The following EIF2B3 variants were observed in gnomAD, a reference collection of about 807,000 sequenced individuals.
EIF2B3 encodes translation initiation factor eIF2B subunit gamma.
A neutral mutation model predicts 54.1 loss-of-function variants in EIF2B3; 20 were observed. That is an observed-to-expected ratio of 0.37 (90% CI 0.26 to 0.54). EIF2B3 has a LOEUF of 0.54. Ranked by LOEUF, EIF2B3 falls within the 20% of genes least tolerant of loss-of-function variation. The pLI is 0.86. For missense variants in EIF2B3, 448 were observed against 547.8 expected (o/e 0.82, Z 1.82); for synonymous variants, 153 against 188.1 (o/e 0.81, Z 1.52).
chr1:44,867,516 C>A (rs556715027), intron 10 of EIF2B3, among the ~76,000 whole-genome samples: 15 of 152,214 alleles, frequency 9.9e-5, no homozygotes, highest in Admixed American at 9.2e-4. Context: ...CAGAGACAAG[C>A]ACATAACGAA....
chr1:44,924,392 TTTTG>T lies in EIF2B3; in HGVS notation c.566+2232_566+2235del, dbSNP rs200461406. Among the ~76,000 whole-genome samples, 1,190 of 152,192 alleles carry T rather than the reference TTTTG, an allele frequency of 7.8e-3. 17 individuals are homozygous for T. The highest frequency in any genetic ancestry group is 0.027 in the African/African-American group (1,132 of 41,532). Reference sequence around the variant, plus strand: ...TAACTCTGTAATAATTTAATCCTTTTTTTGTTTGTTTGTTTTTGTTTGTTTTTTG... The same window carrying T: ...TAACTCTGTAATAATTTAATCCTTTTTTTGTTTGTTTTTGTTTGTTTTTTG... On this transcript the variant is annotated intron_variant, in intron 5 of 11. Coordinates refer to ENST00000360403, the MANE Select transcript of EIF2B3 (RefSeq NM_020365.5).
intron 8 of EIF2B3, among the ~76,000 whole-genome samples, chr1:44,876,443 G>A (rs1290102639): frequency 7.1e-6 from 1 of 140,390 alleles, no homozygotes; most frequent in Non-Finnish European, 1.5e-5. Flanking sequence ...CGCCCCGTCT[G>A]AGAAGTGAGG....
At chr1:44,921,102 C>T (rs1643730125) in intron 5 of EIF2B3, among the ~76,000 whole-genome samples, 1 of 152,194 alleles carries the variant, frequency 6.6e-6, no homozygotes, top group African/African-American at 2.4e-5. Context: ...GGTGAGATGA[C>T]ATCTCATTGT....
rs1654387134 is a variant in EIF2B3, at chr1:44,854,779, G to T, written c.1306+2925C>A. Among the ~76,000 whole-genome samples, 4 of 151,402 alleles carry T rather than the reference G, an allele frequency of 2.6e-5. No homozygotes were observed. The South Asian group carries it at 8.4e-4, about 32-fold the overall frequency. Reference sequence around the variant, plus strand: ...ATTTTTTGTATTTTTAGTAGAGATGGGGTTTCTCCATGTTGGTCAGGCTGG... The same window carrying T: ...ATTTTTTGTATTTTTAGTAGAGATGTGGTTTCTCCATGTTGGTCAGGCTGG... On this transcript the variant is annotated intron_variant, in intron 11 of 11. Transcript: ENST00000360403.
chr1:44,869,098 CA>C (rs1234519023), intron 10 of EIF2B3, among the ~76,000 whole-genome samples: 1 of 152,204 alleles, frequency 6.6e-6, no homozygotes, highest in Non-Finnish European at 1.5e-5. Context: ...ATGTTGGCAA[CA>C]TGCCATCCTT....
At chr1:44,952,872 GAAACCCATCC>G (rs1322498741) in intron 3 of EIF2B3, among the ~76,000 whole-genome samples, 1 of 152,002 alleles carries the variant, frequency 6.6e-6, no homozygotes, top group Non-Finnish European at 1.5e-5. Context: ...CAATTTAAGG[GAAACCCATCC>G]ACTCGTGCAC....
At chr1:44,914,032 T>C (rs918143289) in intron 5 of EIF2B3, among the ~76,000 whole-genome samples, 4 of 150,478 alleles carry the variant, frequency 2.7e-5, no homozygotes, top group Non-Finnish European at 5.9e-5. Flanking sequence ...AGTCTCAGGA[T>C]GTTGCCCAGG....
intron 2 of EIF2B3, among the ~76,000 whole-genome samples, chr1:44,979,807 T>C: frequency 6.6e-6 from 1 of 151,782 alleles, no homozygotes; most frequent in East Asian, 1.9e-4. Context: ...CTATTAAAAA[T>C]ACAAAAAAAT....
At chr1:44,929,419 A>T (rs975970980) in intron 4 of EIF2B3, among the ~76,000 whole-genome samples, 3 of 152,238 alleles carry the variant, frequency 2.0e-5, no homozygotes, top group African/African-American at 7.2e-5. Context: ...GTCTCTGGTC[A>T]TCTTATATGC....
At chr1:44,938,291 G>C (rs1321517826) in intron 4 of EIF2B3, among the ~76,000 whole-genome samples, 1 of 152,126 alleles carries the variant, frequency 6.6e-6, no homozygotes, top group Non-Finnish European at 1.5e-5. Flanking sequence ...AATTATTTAG[G>C]TGAATCTTAG....
intron 4 of EIF2B3, among the ~76,000 whole-genome samples, chr1:44,934,008 G>A (rs1643920362): frequency 6.6e-6 from 1 of 152,202 alleles, no homozygotes; most frequent in Non-Finnish European, 1.5e-5. Flanking sequence ...TGTAATCCCA[G>A]CTACTAGGGA....
At chr1:44,938,664 GT>G (rs1158239053) in intron 4 of EIF2B3, among the ~76,000 whole-genome samples, 5 of 151,766 alleles carry the variant, frequency 3.3e-5, no homozygotes, top group Non-Finnish European at 7.4e-5. Flanking sequence ...TTAAAAAATT[GT>G]TTGTAGAGAT....
chr1:44,931,871 C>T (rs1055480317), intron 4 of EIF2B3, among the ~76,000 whole-genome samples: 2 of 152,042 alleles, frequency 1.3e-5, no homozygotes, highest in African/African-American at 4.8e-5. Flanking sequence ...AATCCCAGCA[C>T]TTTGGGAGGC....
intron 3 of EIF2B3, among the ~76,000 whole-genome samples, chr1:44,952,058 G>T (rs1193273668): frequency 7.8e-6 from 1 of 128,836 alleles, no homozygotes; most frequent in Non-Finnish European, 1.7e-5. Context: ...CGCCTCCTGG[G>T]TTCACGCCAT....
intron 2 of EIF2B3, among the ~76,000 whole-genome samples, chr1:44,979,711 T>C (rs911979941): frequency 6.7e-6 from 1 of 149,472 alleles, no homozygotes; most frequent in South Asian, 2.1e-4. Context: ...CACCTGTAAT[T>C]CCAACACTTT....
chr1:44,875,152 A>G (rs1272444323), intron 9 of EIF2B3, among the ~76,000 whole-genome samples: 1 of 152,136 alleles, frequency 6.6e-6, no homozygotes, highest in East Asian at 1.9e-4. Context: ...AGATTGTGCC[A>G]CTGCACTCCA....
intron 3 of EIF2B3, among the ~76,000 whole-genome samples, chr1:44,956,151 T>C (rs953808233): frequency 6.6e-6 from 1 of 152,158 alleles, no homozygotes; most frequent in African/African-American, 2.4e-5. Context: ...AAAGAAAATG[T>C]GGCACTTATA....
At chr1:44,865,179 T>C (rs900128609) in intron 10 of EIF2B3, among the ~76,000 whole-genome samples, 25 of 149,362 alleles carry the variant, frequency 1.7e-4, no homozygotes, top group African/African-American at 5.9e-4. Flanking sequence ...AAATTGTCAC[T>C]GCACTCCAGC....
In EIF2B3 at chr1:44,862,909, A is replaced by G. The variant is rs188270630; in HGVS notation, c.1203-5102T>C. ...ACTGCACCCAGCCTACACTCATTTTATAACTGAATCCTTTCAGCAAACTTG... is the reference window on the plus strand; with the variant it reads ...ACTGCACCCAGCCTACACTCATTTTGTAACTGAATCCTTTCAGCAAACTTG... On this transcript the variant is annotated intron_variant, in intron 10 of 11. Coordinates refer to ENST00000360403, the MANE Select transcript of EIF2B3 (RefSeq NM_020365.5). The G allele has an allele frequency of 8.5e-5, 13 of 152,254 alleles. No homozygotes were observed. The East Asian group carries it at 2.5e-3, about 29-fold the overall frequency. 9.4% of individuals were successfully genotyped at this position (152,254 alleles called of 1,614,324 possible).
Sources: gnomAD v4.1 joint callset for allele counts (sites outside exome capture counted in the v4.1 genomes callset) on GRCh38, gnomAD v4.1.1 for gene constraint, MANE v1.5 for transcripts, NCBI Gene and HGNC (gene_info 2026-07-23, HGNC 2026-07-21) for gene names.